Variants in KCNQ5 observed in about 807,000 individuals in gnomAD.
The protein encoded by KCNQ5 is potassium voltage-gated channel subfamily KQT member 5.
A neutral mutation model predicts 98.2 loss-of-function variants in KCNQ5; 30 were observed. The observed-to-expected ratio is 0.31, with a 90% CI of 0.23 to 0.41. The LOEUF (loss-of-function observed/expected upper bound fraction) is 0.41, where lower values mean the gene tolerates loss of function less well. Ranked by LOEUF, KCNQ5 falls within the 10% of genes least tolerant of loss-of-function variation. The probability of loss-of-function intolerance (pLI) is 1.00; values close to 1 mark genes in which losing one functional copy is unlikely to be tolerated. For synonymous variants in KCNQ5, 458 were observed against 449.4 expected, an observed-to-expected ratio of 1.02 and a Z score of -0.24; for missense variants, 835 against 1,182.5, an observed-to-expected ratio of 0.71 and a Z score of 4.31.
chr6:72,720,264 T>C (rs1769884074), intron 1 of KCNQ5, among the ~76,000 whole-genome samples: 1 of 152,220 alleles, frequency 6.6e-6, no homozygotes, highest in Non-Finnish European at 1.5e-5. Context: ...TAACCTGCCA[T>C]GGAATGGATA....
At position 73,198,745 on chromosome 6, in the gene KCNQ5, C is replaced by A. The variant is rs961875938; in HGVS notation, c.*3331C>A. The A allele has an allele frequency of 7.9e-5, 12 of 152,172 alleles. No individual in the cohort carries two copies. The highest frequency in any genetic ancestry group is 2.2e-4 in the African/African-American group (9 of 41,436). 9.4% of individuals were successfully genotyped at this position (152,172 alleles called of 1,614,324 possible). On this transcript the variant is annotated 3_prime_UTR_variant, in exon 14 of 14. Transcript: ENST00000370398. Reference sequence around the variant, plus strand: ...GTCTGTTTCCTGAAAACAAATAAATCGGGAACACCATATCCATTTCAAGCT... The same window carrying A: ...GTCTGTTTCCTGAAAACAAATAAATAGGGAACACCATATCCATTTCAAGCT...
At chr6:72,940,548 T>C (rs916359335) in intron 1 of KCNQ5, among the ~76,000 whole-genome samples, 1 of 152,214 alleles carries the variant, frequency 6.6e-6, no homozygotes, top group African/African-American at 2.4e-5. Context: ...GATTCTGGGA[T>C]GCTACCAGCT....
Position 73,042,443 on chromosome 6 carries a change from A to G in KCNQ5, c.616+381A>G, listed in dbSNP as rs1771754289. Among the ~76,000 whole-genome samples the G allele has an allele frequency of 2.0e-5, 3 of 152,222 alleles. No individual in the cohort carries two copies. The South Asian group carries it at 6.2e-4, about 31-fold the overall frequency. ...CAGTGTTGCCCTAATTTAGGGGAAC[A>G]TTGATTTCAGTGAGTATAAAAAACC... is the stretch of plus-strand genomic sequence containing the variant. On this transcript the variant is annotated intron_variant, in intron 3 of 13. Transcript: ENST00000370398.
At chr6:72,740,556 A>T (rs1771076516) in intron 1 of KCNQ5, among the ~76,000 whole-genome samples, 1 of 152,154 alleles carries the variant, frequency 6.6e-6, no homozygotes, top group African/African-American at 2.4e-5. Context: ...ATTTTATGGC[A>T]GGGTTTGTGG....
At chr6:72,760,862 T>G (rs1443724157) in intron 1 of KCNQ5, among the ~76,000 whole-genome samples, 1 of 152,144 alleles carries the variant, frequency 6.6e-6, no homozygotes, top group Non-Finnish European at 1.5e-5. Context: ...AATGCGTTAG[T>G]TAAGAAAAAA....
At chr6:73,097,719 C>G (rs1459973418) in intron 5 of KCNQ5, among the ~76,000 whole-genome samples, 1 of 152,118 alleles carries the variant, frequency 6.6e-6, no homozygotes, top group East Asian at 1.9e-4. Context: ...AGAGTTTTTG[C>G]CCAGTAATCC....
intron 1 of KCNQ5, among the ~76,000 whole-genome samples, chr6:73,003,649 A>T (rs1769690025): frequency 6.6e-6 from 1 of 152,168 alleles, no homozygotes; most frequent in Non-Finnish European, 1.5e-5. Flanking sequence ...TTAGATGCTA[A>T]CATTTAAATG....
chr6:72,683,756 G>GT (rs1019701992), intron 1 of KCNQ5, among the ~76,000 whole-genome samples: 2 of 141,246 alleles, frequency 1.4e-5, no homozygotes, highest in African/African-American at 5.1e-5. Context: ...GTTTGGTGTG[G>GT]TAAAAAAAAA....
At chr6:72,747,239 T>C (rs1474145286) in intron 1 of KCNQ5, among the ~76,000 whole-genome samples, 2 of 152,202 alleles carry the variant, frequency 1.3e-5, no homozygotes, top group African/African-American at 2.4e-5. Context: ...ATCTCAAATA[T>C]AATTTATACT....
intron 11 of KCNQ5, among the ~76,000 whole-genome samples, chr6:73,184,948 T>C (rs1340033715): frequency 6.6e-6 from 1 of 152,140 alleles, no homozygotes; most frequent in Admixed American, 6.5e-5. Context: ...GCCCGAAGTC[T>C]CCACAGTAGA....
rs189148708 is a variant in KCNQ5, at chr6:73,140,554, T to C, written c.1468+6913T>C. 3.3e-5 allele frequency among the ~76,000 whole-genome samples: 5 copies of C among 152,358 alleles called. No individual in the cohort carries two copies. In the East Asian group the frequency reaches 9.6e-4, roughly 29 times the overall value. On this transcript the variant is annotated intron_variant, in intron 10 of 13. Coordinates refer to ENST00000370398, the MANE Select transcript of KCNQ5 (RefSeq NM_019842.4). The stretch of plus-strand genomic sequence containing the variant: ...TGTGCAGATTTCTGGCCTGGGATTC[T>C]GACTGAGTAGGGCACCCATTCCTGT...
chr6:73,124,035 C>T (rs535789940), intron 8 of KCNQ5, among the ~76,000 whole-genome samples: 11 of 151,986 alleles, frequency 7.2e-5, no homozygotes, highest in Admixed American at 2.0e-4. Context: ...AGATTTTATA[C>T]GATACAAAAA....
chr6:72,895,295 A>C (rs1299785942), intron 1 of KCNQ5, among the ~76,000 whole-genome samples: 1 of 150,928 alleles, frequency 6.6e-6, no homozygotes, highest in Non-Finnish European at 1.5e-5. Context: ...TCTCAAAAAA[A>C]AAAAAAAGAA....
intron 1 of KCNQ5, among the ~76,000 whole-genome samples, chr6:72,913,739 A>G (rs1780030964): frequency 6.6e-6 from 1 of 152,228 alleles, no homozygotes; most frequent in Non-Finnish European, 1.5e-5. Context: ...AGGCCCCTGT[A>G]AGAAAAGACA....
intron 1 of KCNQ5, among the ~76,000 whole-genome samples, chr6:72,869,488 A>T (rs954358267): frequency 6.6e-6 from 1 of 152,174 alleles, no homozygotes; most frequent in Non-Finnish European, 1.5e-5. Flanking sequence ...ACTTTTTTGA[A>T]CTTTAGTTTT....
At chr6:72,877,775 G>C (rs554351524) in intron 1 of KCNQ5, among the ~76,000 whole-genome samples, 1 of 152,156 alleles carries the variant, frequency 6.6e-6, no homozygotes, top group Non-Finnish European at 1.5e-5. Flanking sequence ...GAATGAGATG[G>C]TATCTTGTTG....
Position 72,721,324 on chromosome 6 carries a change from G to A in KCNQ5, c.398+98737G>A, listed in dbSNP as rs1183153570. Among the ~76,000 whole-genome samples, 3 of 152,094 alleles carry A rather than the reference G, an allele frequency of 2.0e-5. No homozygotes were observed. In the East Asian group the frequency reaches 5.8e-4, roughly 29 times the overall value. On this transcript the variant is annotated intron_variant, in intron 1 of 13. Transcript: ENST00000370398. The stretch of plus-strand genomic sequence containing the variant: ...TATGCTTAAAAGAGTGAATTTTGTT[G>A]CAGTGTTATTATTTTAGGTTTGTGA...
At chr6:73,130,566 T>A (rs1776189302) in intron 9 of KCNQ5, among the ~76,000 whole-genome samples, 1 of 152,094 alleles carries the variant, frequency 6.6e-6, no homozygotes, top group African/African-American at 2.4e-5. Flanking sequence ...GTTACATAAA[T>A]CTTCAAAAAT....
chr6:72,894,248 C>T (rs184515169), intron 1 of KCNQ5, among the ~76,000 whole-genome samples: 5 of 152,230 alleles, frequency 3.3e-5, no homozygotes, highest in Admixed American at 3.3e-4. Flanking sequence ...CTTATACTCA[C>T]CTCTACACTT....
Sources: allele counts gnomAD v4.1 joint callset (sites outside exome capture counted in the v4.1 genomes callset), GRCh38; gene constraint gnomAD v4.1.1; transcripts MANE v1.5; gene names NCBI Gene and HGNC (gene_info 2026-07-23, HGNC 2026-07-21).